PTPRG: variants seen among roughly 807,000 people sequenced by gnomAD.
The protein encoded by PTPRG is protein tyrosine phosphatase receptor type G.
Under a neutral mutation model 165.3 loss-of-function variants are expected in PTPRG, and 102 were observed. The observed-to-expected ratio is 0.62, with a 90% CI of 0.53 to 0.73. The LOEUF is 0.73. PTPRG is among the 30% of genes least tolerant of loss of function. PTPRG has a pLI of 0.00. For missense variants in PTPRG, 1,866 were observed against 1,861.4 expected, an observed-to-expected ratio of 1.00 and a Z score of -0.05; for synonymous variants, 675 against 669.5, an observed-to-expected ratio of 1.01 and a Z score of -0.13.
chr3:61,748,112 A>G (rs2106911924), intron 1 of PTPRG, among the ~76,000 whole-genome samples: 1 of 152,258 alleles, frequency 6.6e-6, no homozygotes, highest in South Asian at 2.1e-4. Context: ...ATACATCACT[A>G]ATCAGTGTTT....
intron 2 of PTPRG, among the ~76,000 whole-genome samples, chr3:61,920,077 G>A (rs2039040319): frequency 6.6e-6 from 1 of 152,238 alleles, no homozygotes; most frequent in African/African-American, 2.4e-5. Flanking sequence ...GGAGGAAGAT[G>A]ATCCCTGGTT....
At chr3:61,801,064 C>G (rs897188016) in intron 2 of PTPRG, among the ~76,000 whole-genome samples, 1 of 152,204 alleles carries the variant, frequency 6.6e-6, no homozygotes, top group Admixed American at 6.5e-5. Context: ...TAGCTTCCCT[C>G]TGGGAAGTGA....
chr3:62,074,113 A>G (rs543665846), intron 4 of PTPRG, among the ~76,000 whole-genome samples: 2 of 151,628 alleles, frequency 1.3e-5, no homozygotes, highest in Non-Finnish European at 2.9e-5. Context: ...TACTCACTTG[A>G]GTATTTAGTG....
At chr3:61,910,983 C>T (rs1559683798) in intron 2 of PTPRG, among the ~76,000 whole-genome samples, 3 of 152,168 alleles carry the variant, frequency 2.0e-5, no homozygotes, top group Admixed American at 1.3e-4. Flanking sequence ...TCTTCCAGCA[C>T]CTTCTCTGGG....
chr3:62,147,942 A>C (rs917240893), intron 6 of PTPRG, among the ~76,000 whole-genome samples: 5 of 152,040 alleles, frequency 3.3e-5, no homozygotes, highest in Admixed American at 6.5e-5. Context: ...GCAGGAGTTC[A>C]AGACCAGCCT....
intron 1 of PTPRG, among the ~76,000 whole-genome samples, chr3:61,679,344 C>T (rs1703347743): frequency 6.6e-6 from 1 of 152,140 alleles, no homozygotes. Flanking sequence ...AGAAGTTGCT[C>T]AGTTTCAGAG....
chr3:62,043,180 A>G (rs1700181920), intron 4 of PTPRG, among the ~76,000 whole-genome samples: 1 of 152,356 alleles, frequency 6.6e-6, no homozygotes, highest in South Asian at 2.1e-4. Flanking sequence ...AATTATCTCA[A>G]CAAATACAAA....
At chr3:61,973,105 G>A (rs2040420522) in intron 2 of PTPRG, among the ~76,000 whole-genome samples, 1 of 152,340 alleles carries the variant, frequency 6.6e-6, no homozygotes, top group South Asian at 2.1e-4. Context: ...TAGTCCTGCA[G>A]TTGAGAACTG....
chr3:61,622,773 CA>C (rs1365031036), intron 1 of PTPRG, among the ~76,000 whole-genome samples: 2 of 152,060 alleles, frequency 1.3e-5, no homozygotes, highest in African/African-American at 4.8e-5. Context: ...AATTACTAAG[CA>C]AAGGTGAAGG....
intron 10 of PTPRG, among the ~76,000 whole-genome samples, chr3:62,200,982 C>T (rs1416200826): frequency 6.6e-6 from 1 of 152,122 alleles, no homozygotes; most frequent in Non-Finnish European, 1.5e-5. Context: ...AATACGATTC[C>T]AGTTAAATCA....
intron 2 of PTPRG, among the ~76,000 whole-genome samples, chr3:61,809,153 T>C (rs574216381): frequency 6.6e-6 from 1 of 151,262 alleles, no homozygotes; most frequent in Non-Finnish European, 1.5e-5. Context: ...TTGTTTCTTA[T>C]TATTATCACG....
intron 1 of PTPRG, among the ~76,000 whole-genome samples, chr3:61,574,895 C>T (rs996025623): frequency 2.0e-5 from 3 of 152,026 alleles, no homozygotes; most frequent in East Asian, 3.9e-4. Flanking sequence ...TCCATTCCCA[C>T]GAGAAGTGAC....
chr3:62,114,917 G>A (rs1410338532), intron 5 of PTPRG, among the ~76,000 whole-genome samples: 1 of 152,064 alleles, frequency 6.6e-6, no homozygotes, highest in East Asian at 1.9e-4. Flanking sequence ...TGGGATTACA[G>A]ACATAAGCCA....
chr3:61,621,051 A>ATATATGTGTGTGTGTGTGTGTGTGTG, intron 1 of PTPRG, among the ~76,000 whole-genome samples: 1 of 117,948 alleles, frequency 8.5e-6, no homozygotes, highest in African/African-American at 3.0e-5. Flanking sequence ...ATATATATAT[A>ATATATGTGTGTGTGTGTGTGTGTGTG]TGTGTGTGTG....
chr3:62,099,179 G>A (rs1702208146), intron 5 of PTPRG, among the ~76,000 whole-genome samples: 1 of 152,172 alleles, frequency 6.6e-6, no homozygotes, highest in African/African-American at 2.4e-5. Context: ...AGATTTGCCT[G>A]AATTTGTGAC....
chr3:61,857,760 TGGC>T (rs2037153516), intron 2 of PTPRG, among the ~76,000 whole-genome samples: 1 of 152,198 alleles, frequency 6.6e-6, no homozygotes, highest in Non-Finnish European at 1.5e-5. Context: ...TGTGTGTTGT[TGGC>T]GTCTTCATTT....
intron 4 of PTPRG, among the ~76,000 whole-genome samples, chr3:62,048,966 C>A (rs1431063695): frequency 6.6e-6 from 1 of 152,112 alleles, no homozygotes; most frequent in African/African-American, 2.4e-5. Context: ...GTTTCTCTGA[C>A]CTTTTCAAAA....
chr3:61,562,459 C>G lies in PTPRG; in HGVS notation c.85+87C>G. ...TCGCCTGGGCGCGGAGCTCCGGCGC[C>G]CGTCCGGGAGACCCTGGAGAGGGTG... On this transcript the variant is annotated intron_variant, in intron 1 of 29. Transcript: ENST00000474889. 3 of 1,323,556 alleles carry G rather than the reference C, an allele frequency of 2.3e-6. No individual in the cohort carries two copies. The South Asian group carries it at 3.6e-5, about 16-fold the overall frequency. The allele number at this position is 1,323,556 out of a possible 1,614,324, so 82.0% of individuals were successfully genotyped here.
intron 28 of PTPRG, among the ~76,000 whole-genome samples, chr3:62,283,777 G>A (rs892083642): frequency 1.3e-5 from 2 of 152,038 alleles, no homozygotes; most frequent in African/African-American, 4.8e-5. Context: ...CAAGAGCTCA[G>A]CACCTTCACC....
Sources: allele counts gnomAD v4.1 joint callset (sites outside exome capture counted in the v4.1 genomes callset), GRCh38; gene constraint gnomAD v4.1.1; transcripts MANE v1.5; gene names NCBI Gene and HGNC (gene_info 2026-07-23, HGNC 2026-07-21).